Variants in MAF observed in about 807,000 individuals in gnomAD.
MAF encodes MAF bZIP transcription factor.
In MAF, 10 loss-of-function variants were observed where a neutral mutation model predicts 22.0. The ratio of observed to expected loss-of-function variants is 0.45; its 90% CI spans 0.28 to 0.77. The LOEUF is 0.77. Ranked by LOEUF, MAF falls within the 30% of genes least tolerant of loss-of-function variation. The pLI is 0.12. For synonymous variants in MAF, 337 were observed against 255.8 expected (o/e 1.32, Z -3.03); for missense variants, 544 against 548.4 (o/e 0.99, Z 0.08).
At chr16:79,212,141 C>G in the MAF span, 2 of 1,520,310 alleles carry the variant, frequency 1.3e-6, no homozygotes, top group Non-Finnish European at 1.8e-6. Flanking sequence ...CTGAGGTCCC[C>G]TCGTCCCATC....
At chr16:79,328,340 T>C in the MAF span, among the ~76,000 whole-genome samples, 1 of 152,096 alleles carries the variant, frequency 6.6e-6, no homozygotes, top group African/African-American at 2.4e-5. Context: ...GACAAGGAAA[T>C]GCAACTTGAG....
intron 1 of MAF, chr16:79,597,015 G>T (rs1178288814): frequency 1.1e-5 from 12 of 1,054,924 alleles, no homozygotes; most frequent in Non-Finnish European, 1.4e-5. Flanking sequence ...AAACAGGGGC[G>T]TTTCCCCTCT....
the MAF span, among the ~76,000 whole-genome samples, chr16:79,580,589 T>A: frequency 6.6e-6 from 1 of 152,120 alleles, no homozygotes. Context: ...CTCCAGACGC[T>A]GCTTGGAGGG....
At chr16:79,345,114 G>T in the MAF span, among the ~76,000 whole-genome samples, 1 of 152,136 alleles carries the variant, frequency 6.6e-6, no homozygotes, top group Admixed American at 6.5e-5. Flanking sequence ...CTCAGTAAAT[G>T]TACCCTAACC....
the MAF span, among the ~76,000 whole-genome samples, chr16:79,427,831 G>A: frequency 6.6e-6 from 1 of 152,088 alleles, no homozygotes; most frequent in South Asian, 2.1e-4. Context: ...GCCTCCTTGT[G>A]AGAAAGAATC....
the MAF span, among the ~76,000 whole-genome samples, chr16:79,260,751 T>C: frequency 6.6e-6 from 1 of 152,154 alleles, no homozygotes; most frequent in Non-Finnish European, 1.5e-5. Context: ...CAGAGATTTT[T>C]AAAAACTCAC....
the MAF span, among the ~76,000 whole-genome samples, chr16:79,248,806 A>C: frequency 6.6e-6 from 1 of 152,074 alleles, no homozygotes; most frequent in Non-Finnish European, 1.5e-5. Flanking sequence ...TACAAAAAAA[A>C]AAAATTCAGC....
At chr16:79,358,047 C>G in the MAF span, among the ~76,000 whole-genome samples, 1 of 152,310 alleles carries the variant, frequency 6.6e-6, no homozygotes, top group South Asian at 2.1e-4. Context: ...CCAAGCAGTA[C>G]CTTGCAGGGA....
the MAF span, among the ~76,000 whole-genome samples, chr16:79,384,777 A>C: frequency 1.3e-5 from 2 of 152,168 alleles, no homozygotes; most frequent in Non-Finnish European, 2.9e-5. Context: ...AAATAAAATA[A>C]AATTAAAAAA....
chr16:79,574,321 G>A, the MAF span, among the ~76,000 whole-genome samples: 1 of 152,164 alleles, frequency 6.6e-6, no homozygotes, highest in East Asian at 1.9e-4. Context: ...GTAAATAAGT[G>A]TCTGATGATG....
chr16:79,270,045 T>C, the MAF span, among the ~76,000 whole-genome samples: 1 of 152,034 alleles, frequency 6.6e-6, no homozygotes, highest in South Asian at 2.1e-4. Context: ...ATCCTGTTTT[T>C]TTCATCCTGC....
chr16:79,592,936 G>T (rs985516608), downstream of MAF, among the ~76,000 whole-genome samples: 2 of 152,304 alleles, frequency 1.3e-5, no homozygotes, highest in Non-Finnish European at 2.9e-5. Context: ...CCCTCTTAGT[G>T]AATGTTTATA....
chr16:79,479,798 G>A, the MAF span, among the ~76,000 whole-genome samples: 3 of 152,174 alleles, frequency 2.0e-5, no homozygotes, highest in Non-Finnish European at 2.9e-5. Flanking sequence ...TATCTTGTTG[G>A]CATTGTTGAC....
chr16:79,535,440 G>A, the MAF span, among the ~76,000 whole-genome samples: 6 of 151,196 alleles, frequency 4.0e-5, no homozygotes, highest in South Asian at 2.1e-4. Flanking sequence ...TTACAGTACC[G>A]TGCTGAGTGG....
At chr16:79,302,316 T>C in the MAF span, among the ~76,000 whole-genome samples, 3 of 152,232 alleles carry the variant, frequency 2.0e-5, no homozygotes, top group South Asian at 4.1e-4. Flanking sequence ...TAATTTCTAA[T>C]GAGCAATGAA....
the MAF span, among the ~76,000 whole-genome samples, chr16:79,366,710 G>A: frequency 2.6e-5 from 4 of 152,162 alleles, no homozygotes; most frequent in South Asian, 8.3e-4. Flanking sequence ...TCCCTATGGG[G>A]GTTCTCCATC....
chr16:79,211,572 T>TACAAAAA, the MAF span: 1 of 1,613,918 alleles, frequency 6.2e-7, no homozygotes, highest in South Asian at 1.1e-5. Context: ...CTCCTTTTCT[T>TACAAAAA]AAAATTTTTT....
the MAF span, among the ~76,000 whole-genome samples, chr16:79,471,757 G>C: frequency 6.6e-6 from 1 of 152,210 alleles, no homozygotes; most frequent in Non-Finnish European, 1.5e-5. Context: ...GCCTAGGACA[G>C]CTGATAAGTG....
At chr16:79,302,838 G>A in the MAF span, among the ~76,000 whole-genome samples, 15 of 152,222 alleles carry the variant, frequency 9.9e-5, no homozygotes, top group Non-Finnish European at 1.2e-4. Flanking sequence ...AAGACAAGCT[G>A]TTGTCAAATG....
Sources: gnomAD v4.1 joint callset for allele counts (sites outside exome capture counted in the v4.1 genomes callset) on GRCh38, gnomAD v4.1.1 for gene constraint, MANE v1.5 for transcripts, NCBI Gene and HGNC (gene_info 2026-07-23, HGNC 2026-07-21) for gene names.